SLC71A2: variants seen among roughly 807,000 people sequenced by gnomAD.
SLC71A2 encodes the protein solute carrier family 71 member 2, also known as hippocampus abundant transcript-like 1.
At chr9:94,418,739 C>G in the SLC71A2 span, among the ~76,000 whole-genome samples, 1 of 151,442 alleles carries the variant, frequency 6.6e-6, no homozygotes, top group South Asian at 2.1e-4. Flanking sequence ...CACACCTGGC[C>G]CATACTTTCC....
chr9:94,451,440 C>CA, the SLC71A2 span: 1 of 1,381,456 alleles, frequency 7.2e-7, no homozygotes, highest in Non-Finnish European at 9.8e-7. Context: ...AAAGTGTTTT[C>CA]ATTTCATTTC....
the SLC71A2 span, among the ~76,000 whole-genome samples, chr9:94,427,024 A>ATAAGCTT: frequency 6.6e-6 from 1 of 152,150 alleles, no homozygotes; most frequent in Admixed American, 6.5e-5. Context: ...TTTTTCATAC[A>ATAAGCTT]GAGATGTTAA....
the SLC71A2 span, among the ~76,000 whole-genome samples, chr9:94,384,375 G>T: frequency 2.3e-5 from 3 of 131,526 alleles, no homozygotes; most frequent in Non-Finnish European, 4.7e-5. Flanking sequence ...CTCTCTCTCT[G>T]TTGCTCAGGC....
the SLC71A2 span, among the ~76,000 whole-genome samples, chr9:94,436,727 G>C: frequency 1.3e-5 from 2 of 151,950 alleles, no homozygotes; most frequent in Non-Finnish European, 2.9e-5. Context: ...CTGCTGTCCT[G>C]GGTTAATCAG....
At chr9:94,447,870 C>T in the SLC71A2 span, among the ~76,000 whole-genome samples, 38 of 152,164 alleles carry the variant, frequency 2.5e-4, no homozygotes, top group African/African-American at 8.0e-4. Context: ...CCACTGATCT[C>T]TTTATTGTCT....
chr9:94,423,070 T>G, the SLC71A2 span, among the ~76,000 whole-genome samples: 10 of 150,278 alleles, frequency 6.7e-5, no homozygotes, highest in Non-Finnish European at 3.0e-5. Context: ...CCAAGTAGTT[T>G]GGAATACAGG....
chr9:94,386,201 T>C, the SLC71A2 span, among the ~76,000 whole-genome samples: 1 of 151,796 alleles, frequency 6.6e-6, no homozygotes, highest in African/African-American at 2.4e-5. Flanking sequence ...TTAGGTATTT[T>C]TTTTTCTTTT....
At chr9:94,391,680 G>C in the SLC71A2 span, among the ~76,000 whole-genome samples, 1 of 149,168 alleles carries the variant, frequency 6.7e-6, no homozygotes, top group Non-Finnish European at 1.5e-5. Flanking sequence ...CTCTGTTCAG[G>C]AGTTTGAGAC....
the SLC71A2 span, among the ~76,000 whole-genome samples, chr9:94,380,139 C>T: frequency 4.6e-5 from 7 of 152,184 alleles, no homozygotes; most frequent in East Asian, 7.7e-4. Context: ...TGGTGGTGGG[C>T]GCCTGTAGTC....
the SLC71A2 span, among the ~76,000 whole-genome samples, chr9:94,429,736 G>A: frequency 5.3e-5 from 8 of 151,664 alleles, no homozygotes; most frequent in Non-Finnish European, 1.0e-4. Flanking sequence ...GCTTTAAACC[G>A]TTTTCCTGTT....
the SLC71A2 span, chr9:94,456,447 T>C: frequency 2.0e-5 from 15 of 761,094 alleles, no homozygotes; most frequent in Middle Eastern, 3.3e-4. Flanking sequence ...GACAGCCATA[T>C]GGCCCCTTTT....
the SLC71A2 span, among the ~76,000 whole-genome samples, chr9:94,398,240 C>T: frequency 6.7e-6 from 1 of 149,176 alleles, no homozygotes; most frequent in Non-Finnish European, 1.5e-5. Flanking sequence ...TTTTAAAACA[C>T]TTATGTTCCT....
At chr9:94,400,313 C>T in the SLC71A2 span, among the ~76,000 whole-genome samples, 3 of 151,888 alleles carry the variant, frequency 2.0e-5, no homozygotes, top group African/African-American at 7.3e-5. Context: ...TCTGGGGTCT[C>T]ATTGTCAAAT....
the SLC71A2 span, among the ~76,000 whole-genome samples, chr9:94,443,915 A>G: frequency 6.6e-6 from 1 of 152,228 alleles, no homozygotes; most frequent in African/African-American, 2.4e-5. Flanking sequence ...TATTGAACAA[A>G]GGATTCCTAT....
chr9:94,408,088 G>A, the SLC71A2 span, among the ~76,000 whole-genome samples: 1 of 152,100 alleles, frequency 6.6e-6, no homozygotes, highest in African/African-American at 2.4e-5. Context: ...TCATAGGTGT[G>A]TGTAGGAAAA....
At chr9:94,375,052 G>A in the SLC71A2 span, 3 of 581,594 alleles carry the variant, frequency 5.2e-6, no homozygotes, top group East Asian at 8.4e-5. Context: ...TCCTTTTCTG[G>A]GGGGGGAGGC....
chr9:94,387,381 TTTTAAA>T, the SLC71A2 span, among the ~76,000 whole-genome samples: 13 of 152,198 alleles, frequency 8.5e-5, 1 homozygote, highest in Admixed American at 8.5e-4. Flanking sequence ...TTTTCCCGCC[TTTTAAA>T]TTTAATCTTC....
the SLC71A2 span, among the ~76,000 whole-genome samples, chr9:94,430,810 G>A: frequency 6.6e-6 from 1 of 152,188 alleles, no homozygotes; most frequent in Non-Finnish European, 1.5e-5. Context: ...GCCTCAAAGA[G>A]TATGTGTATG....
At chr9:94,458,049 G>A in the SLC71A2 span, among the ~76,000 whole-genome samples, 1 of 152,224 alleles carries the variant, frequency 6.6e-6, no homozygotes, top group Non-Finnish European at 1.5e-5. Flanking sequence ...AATCTCAGTT[G>A]ACAGAAAAGT....
Sources: allele counts gnomAD v4.1 joint callset (sites outside exome capture counted in the v4.1 genomes callset), GRCh38; gene constraint gnomAD v4.1.1; transcripts MANE v1.5; gene names NCBI Gene and HGNC (gene_info 2026-07-23, HGNC 2026-07-21).